Variants in DCDC1 observed in about 807,000 individuals in gnomAD.
DCDC1 encodes doublecortin domain containing 1, also known as doublecortin domain-containing protein 1.
Under a neutral mutation model 178.3 loss-of-function variants are expected in DCDC1, and 200 were observed. That is an observed-to-expected ratio of 1.12 (90% CI 1.00 to 1.26). DCDC1 has a LOEUF of 1.26. DCDC1 is among the 50% of genes most tolerant of loss of function. DCDC1 has a pLI of 0.00. For missense variants in DCDC1, 1,983 were observed against 1,749.2 expected (o/e 1.13, Z -2.38); for synonymous variants, 690 against 604.8 (o/e 1.14, Z -2.07).
chr11:31,257,941 A>G (rs2137044133), intron 8 of DCDC1, among the ~76,000 whole-genome samples: 1 of 152,344 alleles, frequency 6.6e-6, no homozygotes, highest in South Asian at 2.1e-4. Context: ...TAGAGGAGAC[A>G]GTATCTCCAA....
intron 9 of DCDC1, among the ~76,000 whole-genome samples, chr11:31,230,890 A>G (rs1366785093): frequency 2.6e-5 from 4 of 152,148 alleles, no homozygotes; most frequent in African/African-American, 9.7e-5. Context: ...TTTTACATCA[A>G]TAATTATCCA....
chr11:31,250,385 T>TACACACACACACACACACAC (rs10640581), intron 8 of DCDC1, among the ~76,000 whole-genome samples: 54 of 92,696 alleles, frequency 5.8e-4, no homozygotes, highest in East Asian at 4.0e-3. Flanking sequence ...AGTGAATGAA[T>TACACACACACACACACACAC]ACACACACAC....
intron 20 of DCDC1, among the ~76,000 whole-genome samples, chr11:30,964,891 C>G (rs1234684883): frequency 6.6e-6 from 1 of 152,114 alleles, no homozygotes; most frequent in Non-Finnish European, 1.5e-5. Flanking sequence ...TTAAGATCAA[C>G]AGGACAGCAT....
rs190249383 is a variant in DCDC1 at position 30,972,093 on chromosome 11, C to T, written c.2592-19525G>A. On this transcript the variant is annotated intron_variant, in intron 20 of 38. Coordinates refer to ENST00000684477, the MANE Select transcript of DCDC1 (RefSeq NM_001387274.1). ...AATAATAACTGAAACCTTTCCAAGTCCAGCAAGAGATTTAGACATCCAAGT... is the reference window on the plus strand; with the variant it reads ...AATAATAACTGAAACCTTTCCAAGTTCAGCAAGAGATTTAGACATCCAAGT... Among the ~76,000 whole-genome samples, 1,156 of 152,274 alleles carry T rather than the reference C, an allele frequency of 7.6e-3. 4 individuals are homozygous for T. Among genetic ancestry groups the T allele is most frequent in the Middle Eastern group, 0.024 (7 of 294 alleles).
intron 20 of DCDC1, among the ~76,000 whole-genome samples, chr11:31,002,272 A>G (rs1198393343): frequency 6.6e-6 from 1 of 152,236 alleles, no homozygotes; most frequent in African/African-American, 2.4e-5. Context: ...ATTAGATGTC[A>G]ATGTGAATTT....
chr11:31,050,885 A>G (rs1231364684), intron 20 of DCDC1, among the ~76,000 whole-genome samples: 3 of 152,212 alleles, frequency 2.0e-5, no homozygotes, highest in Non-Finnish European at 4.4e-5. Flanking sequence ...ATGAGAAGGA[A>G]CCAGAAAACC....
chr11:30,969,409 A>G (rs1229397630), intron 20 of DCDC1, among the ~76,000 whole-genome samples: 2 of 152,176 alleles, frequency 1.3e-5, no homozygotes, highest in Non-Finnish European at 2.9e-5. Flanking sequence ...CCAAAAGCTG[A>G]GAGGCAAGGA....
intron 17 of DCDC1, among the ~76,000 whole-genome samples, chr11:31,079,618 G>A (rs1296032914): frequency 6.6e-6 from 1 of 152,006 alleles, no homozygotes; most frequent in African/African-American, 2.4e-5. Context: ...GCTAACTCCT[G>A]GTAGATAGTG....
chr11:30,922,895 T>C (rs1203831797), intron 23 of DCDC1, among the ~76,000 whole-genome samples: 1 of 151,922 alleles, frequency 6.6e-6, no homozygotes, highest in African/African-American at 2.4e-5. Flanking sequence ...TTTTGCAACA[T>C]CCTGTGAATC....
At chr11:31,263,654 T>A (rs1208826857) in intron 8 of DCDC1, among the ~76,000 whole-genome samples, 4 of 152,186 alleles carry the variant, frequency 2.6e-5, no homozygotes. Flanking sequence ...ACAATAAGTA[T>A]CAAACTATCA....
At chr11:31,146,937 ATATGCCATCGTGTCGAGGTGGCTG>A (rs1239716157) in intron 9 of DCDC1, among the ~76,000 whole-genome samples, 1 of 152,088 alleles carries the variant, frequency 6.6e-6, no homozygotes, top group Non-Finnish European at 1.5e-5. Flanking sequence ...CCTGCCTTTG[ATATGCCATCGTGTCGAGGTGGCTG>A]TATCCTAGGT....
intron 17 of DCDC1, among the ~76,000 whole-genome samples, chr11:31,078,947 G>A (rs1016353112): frequency 6.6e-6 from 1 of 152,022 alleles, no homozygotes; most frequent in Non-Finnish European, 1.5e-5. Context: ...AGGGCAGTGA[G>A]GAAATGAAAA....
Position 30,926,941 on chromosome 11 carries a change from GA to G in DCDC1, c.2898-1534del, listed in dbSNP as rs571628854. Among the ~76,000 whole-genome samples the G allele has an allele frequency of 7.9e-5, 12 of 152,060 alleles. No homozygotes were observed. The East Asian group carries it at 2.1e-3, about 27-fold the overall frequency. On this transcript the variant is annotated intron_variant, in intron 22 of 38. Transcript: ENST00000684477. ...GCAAGATCCCTATTTTTAAAGAAAG[GA>G]GCTATGCCTCCCAGATCCACAGTCA...
intron 3 of DCDC1, among the ~76,000 whole-genome samples, chr11:31,312,278 A>C (rs1948816673): frequency 6.6e-6 from 1 of 152,202 alleles, no homozygotes; most frequent in Non-Finnish European, 1.5e-5. Context: ...CACTGTTCTA[A>C]GCATTTTATA....
intron 8 of DCDC1, among the ~76,000 whole-genome samples, chr11:31,261,023 T>C (rs1044153554): frequency 2.6e-5 from 4 of 152,216 alleles, no homozygotes; most frequent in Non-Finnish European, 5.9e-5. Flanking sequence ...GTATATTCTC[T>C]GATAAATTTT....
chr11:31,284,414 TC>T (rs1159683788), intron 7 of DCDC1, among the ~76,000 whole-genome samples: 2 of 152,126 alleles, frequency 1.3e-5, no homozygotes, highest in African/African-American at 4.8e-5. Context: ...CTTCATAAAA[TC>T]CTGTGATTCT....
chr11:30,935,443 A>G (rs920397289), intron 21 of DCDC1, among the ~76,000 whole-genome samples: 16 of 152,204 alleles, frequency 1.1e-4, no homozygotes, highest in South Asian at 2.1e-4. Flanking sequence ...CTGATTGGGT[A>G]GGGAGTAGGC....
intron 18 of DCDC1, among the ~76,000 whole-genome samples, chr11:31,067,824 A>C (rs1285479431): frequency 2.0e-5 from 3 of 152,214 alleles, no homozygotes; most frequent in Non-Finnish European, 4.4e-5. Flanking sequence ...ATTTATATGA[A>C]ATGTCCAGAA....
chr11:30,886,961 G>GA (rs1943230095), intron 36 of DCDC1, among the ~76,000 whole-genome samples: 1 of 151,344 alleles, frequency 6.6e-6, no homozygotes, highest in Non-Finnish European at 1.5e-5. Flanking sequence ...CTTACAAACA[G>GA]AAAAAAATAT....
Sources: allele counts gnomAD v4.1 joint callset (sites outside exome capture counted in the v4.1 genomes callset), GRCh38; gene constraint gnomAD v4.1.1; transcripts MANE v1.5; gene names NCBI Gene and HGNC (gene_info 2026-07-23, HGNC 2026-07-21).